The following ANKH variants were observed in gnomAD, a reference collection of about 807,000 sequenced individuals.
ANKH encodes the protein mineralization regulator ANKH.
Under a neutral mutation model 49.0 loss-of-function variants are expected in ANKH, and 15 were observed. The ratio of observed to expected loss-of-function variants is 0.31; its 90% confidence interval spans 0.20 to 0.47. ANKH has a LOEUF of 0.47. ANKH is among the 20% of genes least tolerant of loss of function. The pLI is 1.00. For missense variants in ANKH, 429 were observed against 652.0 expected (o/e 0.66, Z 3.72); for synonymous variants, 273 against 260.0 (o/e 1.05, Z -0.48).
intron 8 of ANKH, among the ~76,000 whole-genome samples, chr5:14,724,788 G>A (rs927802935): frequency 8.5e-5 from 13 of 152,110 alleles, no homozygotes; most frequent in African/African-American, 2.7e-4. Flanking sequence ...ACGGTGGGAC[G>A]GCCGTTTCTG....
At chr5:14,798,501 T>A in intron 1 of ANKH, 1 of 936,364 alleles carries the variant, frequency 1.1e-6, no homozygotes, top group Non-Finnish European at 1.6e-6. Context: ...ATTTTTTTTT[T>A]TAATTAACAA....
Position 14,728,162 on chromosome 5 carries a change from C to T in ANKH, c.1012-11327G>A, listed in dbSNP as rs535583822. Among the ~76,000 whole-genome samples the T allele has an allele frequency of 1.0e-4, 16 of 152,384 alleles. No homozygotes were observed. The South Asian group carries it at 1.4e-3, about 14-fold the overall frequency. On this transcript the variant is annotated intron_variant, in intron 8 of 11. Transcript: ENST00000284268. ...AGAGGGAAGGAAGTCACTCACTATG[C>T]GCCAACAGCGCTCCATATGTGATTC...
intron 8 of ANKH, among the ~76,000 whole-genome samples, chr5:14,717,584 T>C (rs1473928928): frequency 6.6e-6 from 1 of 152,100 alleles, no homozygotes; most frequent in Non-Finnish European, 1.5e-5. Context: ...TAGTAAGCAA[T>C]CCATCCACAG....
At position 14,795,410 on chromosome 5, in the gene ANKH, T is replaced by A. The variant is rs150267302; in HGVS notation, c.97-26219A>T. Among the ~76,000 whole-genome samples, 425 of 152,368 alleles carry A rather than the reference T, an allele frequency of 2.8e-3. 2 individuals are homozygous for A. The highest frequency in any genetic ancestry group is 0.014 in the Middle Eastern group (4 of 294). On this transcript the variant is annotated intron_variant, in intron 1 of 11. Transcript: ENST00000284268. The stretch of plus-strand genomic sequence containing the variant: ...AGATCCCTACAATAATACGTTGTGG[T>A]TCTTAAACTCATCTTAAGTTAAAAT...
intron 8 of ANKH, among the ~76,000 whole-genome samples, chr5:14,723,182 A>G (rs1383718354): frequency 2.0e-5 from 3 of 152,046 alleles, no homozygotes; most frequent in Non-Finnish European, 4.4e-5. Context: ...ACGAGAAAAC[A>G]AACCAGTGAA....
At chr5:14,739,074 GA>G (rs1738273228) in intron 8 of ANKH, among the ~76,000 whole-genome samples, 1 of 152,198 alleles carries the variant, frequency 6.6e-6, no homozygotes, top group Non-Finnish European at 1.5e-5. Context: ...GTAAGAGACA[GA>G]ATAAGGTGAG....
intron 11 of ANKH, among the ~76,000 whole-genome samples, chr5:14,711,533 G>C (rs922061741): frequency 6.6e-6 from 1 of 152,180 alleles, no homozygotes; most frequent in Non-Finnish European, 1.5e-5. Context: ...AGCTAGGCAG[G>C]CACTTCGGAG....
chr5:14,718,332 C>T lies in ANKH; in HGVS notation c.1012-1497G>A, dbSNP rs117721787. ...CAAAATGAGCAGGCAACCAGGAAAC[C>T]AGACTTTGACAAAGGCCTCCAATGT... On this transcript the variant is annotated intron_variant, in intron 8 of 11. Transcript: ENST00000284268. Among the ~76,000 whole-genome samples, 469 of 152,004 alleles carry T rather than the reference C, an allele frequency of 3.1e-3. 20 individuals are homozygous for T. In the East Asian group the frequency reaches 0.07, roughly 23 times the overall value.
Position 14,768,721 on chromosome 5 carries a change from T to C in ANKH, c.313+254A>G. 3 of 566,492 alleles carry C rather than the reference T, an allele frequency of 5.3e-6. No individual in the cohort carries two copies. The South Asian group carries it at 6.2e-5, about 12-fold the overall frequency. 35.1% of individuals were successfully genotyped at this position (566,492 alleles called of 1,614,324 possible). A position where few individuals can be genotyped will look rare whatever the true frequency, so the allele number is the denominator to read the frequency against. On this transcript the variant is annotated intron_variant, in intron 2 of 11. Transcript: ENST00000284268. Reference sequence around the variant, plus strand: ...GGCCTTACCAAATGTTATTCCTAGATGTAATCGCCTACTAATGAAATCACT... The same window carrying C: ...GGCCTTACCAAATGTTATTCCTAGACGTAATCGCCTACTAATGAAATCACT...
At chr5:14,747,408 C>T (rs1028076654) in intron 6 of ANKH, among the ~76,000 whole-genome samples, 4 of 151,858 alleles carry the variant, frequency 2.6e-5, no homozygotes, top group African/African-American at 4.8e-5. Flanking sequence ...AGCGAGACAC[C>T]GTCTCTACAA....
chr5:14,833,329 G>C (rs897190040), intron 1 of ANKH, among the ~76,000 whole-genome samples: 1 of 152,180 alleles, frequency 6.6e-6, no homozygotes, highest in African/African-American at 2.4e-5. Context: ...ACGCCTGCTT[G>C]CTAAAGCTCA....
At chr5:14,829,504 T>G (rs1332020839) in intron 1 of ANKH, among the ~76,000 whole-genome samples, 1 of 152,176 alleles carries the variant, frequency 6.6e-6, no homozygotes, top group Non-Finnish European at 1.5e-5. Context: ...GAAAAAAGTG[T>G]CAAATCTTTA....
intron 1 of ANKH, among the ~76,000 whole-genome samples, chr5:14,839,378 T>C (rs1741751601): frequency 6.6e-6 from 1 of 152,116 alleles, no homozygotes; most frequent in African/African-American, 2.4e-5. Context: ...CTTGAATACA[T>C]ACAGACACAC....
rs1737791200 is a variant in ANKH, at chr5:14,725,353, C to T, written c.1012-8518G>A. Among the ~76,000 whole-genome samples, 1 of 152,216 alleles carries T rather than the reference C, an allele frequency of 6.6e-6. No homozygotes were observed. Among genetic ancestry groups the T allele is most frequent in the African/African-American group, 2.4e-5 (1 of 41,454 alleles). On this transcript the variant is annotated intron_variant, in intron 8 of 11. Coordinates refer to ENST00000284268, the MANE Select transcript of ANKH (RefSeq NM_054027.6). The surrounding 1 kb of genome is among the most constrained non-coding windows in gnomAD (Gnocchi z 4.0). ...GGTCCACACTGAGATAAGCAGTTGACTCCATAAAGTAAATCGATGCCTGCC... is the reference window on the plus strand; with the variant it reads ...GGTCCACACTGAGATAAGCAGTTGATTCCATAAAGTAAATCGATGCCTGCC...
At chr5:14,868,090 T>C (rs2126637490) in intron 1 of ANKH, among the ~76,000 whole-genome samples, 1 of 152,344 alleles carries the variant, frequency 6.6e-6, no homozygotes, top group Non-Finnish European at 1.5e-5. Context: ...CAGAAGTTTC[T>C]GGAGAGACTG....
At chr5:14,781,140 A>C (rs1365276895) in intron 1 of ANKH, among the ~76,000 whole-genome samples, 1 of 152,096 alleles carries the variant, frequency 6.6e-6, no homozygotes, top group East Asian at 1.9e-4. Context: ...GCTTGGGTTA[A>C]ATTGGATCAT....
chr5:14,864,064 A>T (rs993027397), intron 1 of ANKH, among the ~76,000 whole-genome samples: 1 of 152,184 alleles, frequency 6.6e-6, no homozygotes, highest in African/African-American at 2.4e-5. Flanking sequence ...AAATAAAAAA[A>T]TTAGGCAGGC....
chr5:14,718,416 AAG>A lies in ANKH; in HGVS notation c.1012-1583_1012-1582del, dbSNP rs555285598. Among the ~76,000 whole-genome samples the A allele has an allele frequency of 3.3e-5, 5 of 152,258 alleles. No homozygotes were observed. In the East Asian group the frequency reaches 7.7e-4, roughly 23 times the overall value. On this transcript the variant is annotated intron_variant, in intron 8 of 11. Coordinates refer to ENST00000284268, the MANE Select transcript of ANKH (RefSeq NM_054027.6). Reference sequence around the variant, plus strand: ...TAAGAGGAAACAAAGATAATACAGAAAGAGAGAAGGGAAAAAAAAAACTTTTC... The same window carrying A: ...TAAGAGGAAACAAAGATAATACAGAAAGAGAAGGGAAAAAAAAAACTTTTC...
rs184707428 is a variant in ANKH, at chr5:14,818,829, G to A, written c.97-49638C>T. On this transcript the variant is annotated intron_variant, in intron 1 of 11. Transcript: ENST00000284268. Reference sequence around the variant, plus strand: ...TCACTGAAACCTCATCGTTCTGGTCGCCGACTCTTTGAAATGTGCACACAA... The same window carrying A: ...TCACTGAAACCTCATCGTTCTGGTCACCGACTCTTTGAAATGTGCACACAA... 3.7e-4 allele frequency among the ~76,000 whole-genome samples: 57 copies of A among 152,090 alleles called. 1 individual carries two copies. The highest frequency in any genetic ancestry group is 1.3e-3 in the African/African-American group (54 of 41,494).
Sources: allele counts gnomAD v4.1 joint callset (sites outside exome capture counted in the v4.1 genomes callset), GRCh38; gene constraint gnomAD v4.1.1; non-coding constraint Gnocchi (gnomAD v3.1); transcripts MANE v1.5; gene names NCBI Gene and HGNC (gene_info 2026-07-23, HGNC 2026-07-21).